UBXN10: variants seen among roughly 807,000 people sequenced by gnomAD.
UBXN10 encodes UBX domain protein 10.
A neutral mutation model predicts 6.9 loss-of-function variants in UBXN10; 6 were observed. The ratio of observed to expected loss-of-function variants is 0.87; its 90% confidence interval spans 0.48 to 1.72. The LOEUF (loss-of-function observed/expected upper bound fraction) is 1.72. Among genes scored for constraint, UBXN10 ranks in the 40% most tolerant of loss-of-function variants. The pLI is 0.01. For synonymous variants in UBXN10, 131 were observed against 135.2 expected, an observed-to-expected ratio of 0.97 and a Z score of 0.21; for missense variants, 317 against 348.4, an observed-to-expected ratio of 0.91 and a Z score of 0.72.
At chr1:20,184,197 G>GCGCACACACACA (rs1553184784), upstream of UBXN10, 7 of 149,722 alleles carry the variant, frequency 4.7e-5, no homozygotes, top group African/African-American at 1.7e-4. Flanking sequence ...GTGCGCACAC[G>GCGCACACACACA]CACACACACA....
At position 20,193,963 on chromosome 1, in the gene UBXN10, C is replaced by G. The variant is rs908711267; in HGVS notation, c.*2559C>G. The G allele has an allele frequency of 2.4e-5, 4 of 167,208 alleles. No individual in the cohort carries two copies. The highest frequency in any genetic ancestry group is 9.6e-5 in the African/African-American group (4 of 41,580). The allele number at this position is 167,208 out of a possible 1,614,324, so 10.4% of individuals were successfully genotyped here. On this transcript the variant is annotated 3_prime_UTR_variant, in exon 2 of 2. Coordinates refer to ENST00000375099, the MANE Select transcript of UBXN10 (RefSeq NM_152376.5). The stretch of plus-strand genomic sequence containing the variant: ...TCATAGACCTCAGTTATTCATTTAA[C>G]CGATGGCCATTGAGGGCTTACCCAG...
intron 1 of UBXN10, among the ~76,000 whole-genome samples, chr1:20,186,712 ATCCAAACAT>A (rs2018403048): frequency 6.6e-6 from 1 of 152,130 alleles, no homozygotes; most frequent in African/African-American, 2.4e-5. Flanking sequence ...CCAGTTCTCT[ATCCAAACAT>A]TTGATCACTT....
At chr1:20,185,130 T>C (rs1395893004), upstream of UBXN10, among the ~76,000 whole-genome samples, 3 of 152,052 alleles carry the variant, frequency 2.0e-5, no homozygotes, top group Admixed American at 2.0e-4. Context: ...GGCGAGACCC[T>C]GTCTCCCCTT....
Position 20,194,977 on chromosome 1 carries a change from C to T in UBXN10, c.*3573C>T, listed in dbSNP as rs901389966. 1.2e-5 allele frequency: 2 copies of T among 167,104 alleles called. No individual in the cohort carries two copies. Among genetic ancestry groups the T allele is most frequent in the African/African-American group, 4.8e-5 (2 of 41,444 alleles). The allele number at this position is 167,104 out of a possible 1,614,324, so 10.4% of individuals were successfully genotyped here. ...GAAACCAGAACCAACCAAACCCCAC[C>T]ATATAACAGGGAAGGCCTGAGGTCG... On this transcript the variant is annotated 3_prime_UTR_variant, in exon 2 of 2. Coordinates refer to ENST00000375099, the MANE Select transcript of UBXN10 (RefSeq NM_152376.5).
At chr1:20,183,408 G>A (rs2018307430), upstream of UBXN10, among the ~76,000 whole-genome samples, 1 of 152,212 alleles carries the variant, frequency 6.6e-6, no homozygotes, top group Non-Finnish European at 1.5e-5. Flanking sequence ...CTTGGGGGTG[G>A]GACTCTGGGG....
rs2018486227 is a variant in UBXN10 at position 20,190,937 on chromosome 1, G to C, written c.376G>C (p.Glu126Gln). Residue 126 changes from glutamate to glutamine, a missense_variant, in exon 2 of 2, where the codon GAG becomes CAG. Glu to Gln is a conservative substitution (Grantham distance 29, BLOSUM62 2). Transcript: ENST00000375099. ...TCCTTCCATCAACAGAAAGAACCTGGAGGAGGAGGCTGTGGAAACCGTTGC... is the reference window on the plus strand; with the variant it reads ...TCCTTCCATCAACAGAAAGAACCTGCAGGAGGAGGCTGTGGAAACCGTTGC... The part of the protein sequence containing the change: ...VLPSINRKNL[E>Q]EEAVETVAKK... 1 of 1,614,020 alleles carries C rather than the reference G, an allele frequency of 6.2e-7. No individual in the cohort carries two copies. The highest frequency in any genetic ancestry group is 1.1e-5 in the South Asian group (1 of 91,086).
At position 20,191,231 on chromosome 1, in the gene UBXN10, A is replaced by G; in HGVS notation, c.670A>G (p.Ile224Val). Residue 224 changes from isoleucine to valine, a missense_variant, in exon 2 of 2, where the codon ATT (isoleucine) becomes GTT (valine). By Grantham distance (29) the Ile-to-Val change is conservative. Coordinates refer to ENST00000375099, the MANE Select transcript of UBXN10 (RefSeq NM_152376.5). The surrounding 1 kb of genome is among the most constrained non-coding windows in gnomAD (Gnocchi z 4.5). ...CCGGCCAACAGATGATTTGCAAACC[A>G]TTGTTGCTGTGGCCGAACAGAAAAA... The part of the protein sequence containing the change: ...HFRPTDDLQT[I>V]VAVAEQKNKT... 2 of 1,614,184 alleles carry G rather than the reference A, an allele frequency of 1.2e-6. No individual in the cohort carries two copies. Among genetic ancestry groups the G allele is most frequent in the Non-Finnish European group, 8.5e-7 (1 of 1,180,042 alleles).
At chr1:20,190,452 GTGCTTATTCTGGGCACTCAGGGAGGGAAT>G in intron 1 of UBXN10, 66 bp from the exon 2 acceptor site, 1 of 1,466,572 alleles carries the variant, frequency 6.8e-7, no homozygotes, top group Non-Finnish European at 9.0e-7. Flanking sequence ...CCAGAAATTT[GTGCTTATTCTGGGCACTCAGGGAGGGAAT>G]GGCTTGGATC....
chr1:20,189,433 A>C (rs115593300), intron 1 of UBXN10, among the ~76,000 whole-genome samples: 43 of 152,196 alleles, frequency 2.8e-4, no homozygotes, highest in African/African-American at 9.4e-4. Context: ...ATGGCAATGA[A>C]AGAGGAGGTG....
rs1295487476 is a variant in UBXN10, at chr1:20,192,729, C to T, written c.*1325C>T. ...GAGTTCTGGTGTGTGCTCCCGCCTC[C>T]TGGGTATACAGAGAGAAGGCAGGAA... is the stretch of plus-strand genomic sequence containing the variant. On this transcript the variant is annotated 3_prime_UTR_variant, in exon 2 of 2. Coordinates refer to ENST00000375099, the MANE Select transcript of UBXN10 (RefSeq NM_152376.5). 1 of 167,082 alleles carries T rather than the reference C, an allele frequency of 6.0e-6. No individual in the cohort carries two copies. Among genetic ancestry groups the T allele is most frequent in the Non-Finnish European group, 1.5e-5 (1 of 68,142 alleles). 10.3% of individuals were successfully genotyped at this position (167,082 alleles called of 1,614,324 possible).
Position 20,191,392 on chromosome 1 carries a change from A to C in UBXN10, c.831A>C (p.Glu277Asp), listed in dbSNP as rs1385540395. ...TGGGCATCTCACTGGAAGATGGGGAAGGGTGGCCCTGAGTCCACAGCCACC... is the reference window on the plus strand; with the variant it reads ...TGGGCATCTCACTGGAAGATGGGGACGGGTGGCCCTGAGTCCACAGCCACC... ...SVLGISLEDG[E>D]GWP is the part of the protein sequence containing the mutation. The change falls in exon 2 of 2, where the codon GAA (glutamate) becomes GAC (aspartate). Residue 277 changes from glutamate (E) to aspartate (D), a missense_variant. Coordinates refer to ENST00000375099, the MANE Select transcript of UBXN10 (RefSeq NM_152376.5). The surrounding 1 kb of genome is among the most constrained non-coding windows in gnomAD (Gnocchi z 4.5). The C allele has an allele frequency of 1.2e-6, 2 of 1,609,286 alleles. No homozygotes were observed. The highest frequency in any genetic ancestry group is 8.5e-7 in the Non-Finnish European group (1 of 1,176,116).
In UBXN10 at chr1:20,188,453, G is replaced by A. The variant is rs180951489; in HGVS notation, c.-15-2094G>A. On this transcript the variant is annotated intron_variant, in intron 1 of 1. Transcript: ENST00000375099. ...TGTTGCGTTTGGTCCTGGTCTGAGT[G>A]GAGAGGAAGCAGATACTCCTTAAAA... is the stretch of plus-strand genomic sequence containing the variant. Among the ~76,000 whole-genome samples, 2 of 152,300 alleles carry A rather than the reference G, an allele frequency of 1.3e-5. 1 individual carries two copies. Among genetic ancestry groups the A allele is most frequent in the Admixed American group, 1.3e-4 (2 of 15,306 alleles).
At position 20,191,421 on chromosome 1, in the gene UBXN10, C is replaced by A; in HGVS notation, c.*17C>A. The A allele has an allele frequency of 6.3e-7, 1 of 1,598,972 alleles. No homozygotes were observed. The highest frequency in any genetic ancestry group is 8.5e-7 in the Non-Finnish European group (1 of 1,170,498). ...TGGCCCTGAGTCCACAGCCACCCAG[C>A]TGAGGTCCTGGGTCTCTGAGCAAAG... On this transcript the variant is annotated 3_prime_UTR_variant, in exon 2 of 2. Transcript: ENST00000375099. The surrounding 1 kb of genome is among the most constrained non-coding windows in gnomAD (Gnocchi z 4.5).
upstream of UBXN10, among the ~76,000 whole-genome samples, chr1:20,183,533 G>A (rs116568330): frequency 2.6e-3 from 396 of 152,324 alleles, no homozygotes; most frequent in Non-Finnish European, 4.8e-3. Context: ...GGGCTATGAT[G>A]CCTCCATTAA....
chr1:20,185,354 G>A (rs1024514937), upstream of UBXN10, among the ~76,000 whole-genome samples: 4 of 152,180 alleles, frequency 2.6e-5, no homozygotes, highest in Non-Finnish European at 5.9e-5. Context: ...ACTCGGGCAG[G>A]GAGGATCCTT....
chr1:20,183,341 C>T (rs1247420510), upstream of UBXN10, among the ~76,000 whole-genome samples: 1 of 152,162 alleles, frequency 6.6e-6, no homozygotes, highest in Admixed American at 6.5e-5. Flanking sequence ...GCAGTCCCCA[C>T]GACCAGTGCA....
chr1:20,189,513 TCCTGGTGGATTTAA>T (rs779237483), intron 1 of UBXN10, among the ~76,000 whole-genome samples: 107 of 152,232 alleles, frequency 7.0e-4, no homozygotes, highest in Non-Finnish European at 3.8e-4. Context: ...AGTTCATTGC[TCCTGGTGGATTTAA>T]CCAGCACTCA....
intron 1 of UBXN10, among the ~76,000 whole-genome samples, chr1:20,188,066 G>T (rs558249630): frequency 6.6e-6 from 1 of 152,216 alleles, no homozygotes; most frequent in African/African-American, 2.4e-5. Flanking sequence ...TGGCAGAACA[G>T]TTGGACAGTT....
rs751232997 is a variant in UBXN10 at position 20,190,944 on chromosome 1, A to C, written c.383A>C (p.Glu128Ala). 9.9e-6 allele frequency: 16 copies of C among 1,614,046 alleles called. No homozygotes were observed. In the East Asian group the frequency reaches 3.6e-4, roughly 36 times the overall value. ...PSINRKNLEE[E>A]AVETVAKKAS... ...ATCAACAGAAAGAACCTGGAGGAGG[A>C]GGCTGTGGAAACCGTTGCCAAAAAG... The change falls in exon 2 of 2, where the codon GAG becomes GCG. Residue 128 changes from glutamate to alanine, a missense_variant. Transcript: ENST00000375099.
Sources: gnomAD v4.1 joint callset for allele counts (sites outside exome capture counted in the v4.1 genomes callset) on GRCh38, gnomAD v4.1.1 for gene constraint, Gnocchi (gnomAD v3.1) non-coding constraint, MANE v1.5 for transcripts, NCBI Gene and HGNC (gene_info 2026-07-23, HGNC 2026-07-21) for gene names.